SNX18: variants seen among roughly 807,000 people sequenced by gnomAD.
The protein encoded by SNX18 is sorting nexin-18.
In SNX18, 35 loss-of-function variants were observed where a neutral mutation model predicts 48.7. The ratio of observed to expected loss-of-function variants is 0.72; its 90% CI spans 0.55 to 0.95. SNX18 has a LOEUF of 0.95. SNX18 is among the 40% of genes least tolerant of loss of function. The probability of loss-of-function intolerance (pLI) is 0.00; values close to 1 mark genes in which losing one functional copy is unlikely to be tolerated. For synonymous variants in SNX18, 492 were observed against 384.7 expected (o/e 1.28, Z -3.26); for missense variants, 824 against 871.0 (o/e 0.95, Z 0.68).
In SNX18 at chr5:54,518,290, C is replaced by G; in HGVS notation, c.338C>G (p.Ala113Gly). 1 of 1,505,178 alleles carries G rather than the reference C, an allele frequency of 6.6e-7. No individual in the cohort carries two copies. The highest frequency in any genetic ancestry group is 8.8e-7 in the Non-Finnish European group (1 of 1,131,262). The allele number at this position is 1,505,178 out of a possible 1,614,324, so 93.2% of individuals were successfully genotyped here. Residue 113 changes from alanine to glycine, a missense_variant, in exon 1 of 2, where the codon GCG becomes GGG. Physicochemically the swap from Ala to Gly is moderately conservative, Grantham distance 60 (BLOSUM62 0). Coordinates refer to ENST00000381410, the MANE Select transcript of SNX18 (RefSeq NM_001102575.2). Reference sequence around the variant, plus strand: ...CAGGCGCTGCTGCAGCCACAGCAGGCGCCGCCTCCGAGCACCTTCCAGCCG... The same window carrying G: ...CAGGCGCTGCTGCAGCCACAGCAGGGGCCGCCTCCGAGCACCTTCCAGCCG... The part of the protein sequence containing the change: ...AFQALLQPQQ[A>G]PPPSTFQPPG...
At chr5:54,576,711 C>A in the SNX18 span, among the ~76,000 whole-genome samples, 1 of 152,220 alleles carries the variant, frequency 6.6e-6, no homozygotes, top group South Asian at 2.1e-4. Context: ...TTCCCAGCCT[C>A]CTGAAGAGGA....
At chr5:54,625,398 G>A in the SNX18 span, among the ~76,000 whole-genome samples, 2 of 152,162 alleles carry the variant, frequency 1.3e-5, no homozygotes, top group African/African-American at 4.8e-5. Context: ...TTCTAAGCTC[G>A]CTCGTATGGC....
the SNX18 span, among the ~76,000 whole-genome samples, chr5:54,565,781 T>C: frequency 6.6e-6 from 1 of 152,338 alleles, no homozygotes; most frequent in South Asian, 2.1e-4. Context: ...AAGCTGGGGA[T>C]GGATAGGGCG....
the SNX18 span, among the ~76,000 whole-genome samples, chr5:54,634,587 C>A: frequency 6.6e-6 from 1 of 151,820 alleles, no homozygotes; most frequent in Non-Finnish European, 1.5e-5. Flanking sequence ...ATGTGTGGCC[C>A]AGGACAATTC....
At chr5:54,592,537 G>A in the SNX18 span, among the ~76,000 whole-genome samples, 136,900 of 152,186 alleles carry the variant, frequency 0.9, 62,574 homozygotes, top group South Asian at 0.98. Context: ...GATGATGATC[G>A]TGAAGCTTAA....
At chr5:54,602,504 G>C in the SNX18 span, among the ~76,000 whole-genome samples, 6 of 152,284 alleles carry the variant, frequency 3.9e-5, no homozygotes, top group Middle Eastern at 3.4e-3. Context: ...GCAGAGATCC[G>C]AGTTACCTGA....
At chr5:54,632,078 C>T in the SNX18 span, among the ~76,000 whole-genome samples, 17 of 152,272 alleles carry the variant, frequency 1.1e-4, no homozygotes, top group Admixed American at 2.0e-4. Context: ...GTCTGATCTC[C>T]GAAAAGGTTG....
In SNX18 at chr5:54,519,593, G is replaced by A. The variant is rs530038256; in HGVS notation, c.1621+20G>A. On this transcript the variant is annotated intron_variant, in intron 1 of 1. Coordinates refer to ENST00000381410, the MANE Select transcript of SNX18 (RefSeq NM_001102575.2). ...AGAAAGGTAAAGCCTGGCCCTTAGA[G>A]CAGGTGATATGGAGTGTATTGTGCA... is the stretch of plus-strand genomic sequence containing the variant. 2.5e-6 allele frequency: 4 copies of A among 1,614,216 alleles called. No homozygotes were observed. In the South Asian group the frequency reaches 3.3e-5, roughly 13 times the overall value.
chr5:54,518,309 C>A lies in SNX18; in HGVS notation c.357C>A (p.Phe119Leu). 6.5e-7 allele frequency: 1 copy of A among 1,532,950 alleles called. No individual in the cohort carries two copies. Among genetic ancestry groups the A allele is most frequent in the Non-Finnish European group, 8.8e-7 (1 of 1,142,798 alleles). 95.0% of individuals were successfully genotyped at this position (1,532,950 alleles called of 1,614,324 possible). The change falls in exon 1 of 2, where the codon TTC becomes TTA. Residue 119 changes from phenylalanine to leucine, a missense_variant. Physicochemically the swap from Phe to Leu is conservative, Grantham distance 22. This residue lies in a region of SNX18 where 377 missense variants were observed against 350.6 expected (regional missense o/e 1.08). Transcript: ENST00000381410. Reference protein sequence around the residue: ...QPQQAPPPSTFQPPGAGFPYG... With the variant: ...QPQQAPPPSTLQPPGAGFPYG... ...AGCAGGCGCCGCCTCCGAGCACCTT[C>A]CAGCCGCCCGGCGCGGGCTTCCCGT...
Position 54,519,193 on chromosome 5 carries a change from C to T in SNX18, c.1241C>T (p.Pro414Leu), listed in dbSNP as rs775983988. Residue 414 changes from proline (P) to leucine (L), a missense_variant, in exon 1 of 2, where the codon CCC becomes CTC. Around this residue, in one of 3 missense-constraint regions of SNX18, gnomAD observed 443 missense variants for 503.6 expected, o/e 0.88. Coordinates refer to ENST00000381410, the MANE Select transcript of SNX18 (RefSeq NM_001102575.2). ...AACTTCTTCCTGACCCTTAGCACGC[C>T]CCCCGCCGCTGCCCTTGACCTGCAG... ...GANFFLTLST[P>L]PAAALDLQEV... 4.3e-6 allele frequency: 7 copies of T among 1,613,914 alleles called. No individual in the cohort carries two copies. The highest frequency in any genetic ancestry group is 1.1e-5 in the South Asian group (1 of 91,048).
chr5:54,532,707 A>G (rs1762271453), intron 1 of SNX18, among the ~76,000 whole-genome samples: 1 of 152,162 alleles, frequency 6.6e-6, no homozygotes, highest in South Asian at 2.1e-4. Context: ...TCACCCTAGT[A>G]ATTTTATCAC....
At chr5:54,593,654 A>G in the SNX18 span, among the ~76,000 whole-genome samples, 1 of 152,240 alleles carries the variant, frequency 6.6e-6, no homozygotes, top group African/African-American at 2.4e-5. Context: ...ACTTAAAGCT[A>G]CAGTAATCCA....
chr5:54,563,972 T>A, the SNX18 span, among the ~76,000 whole-genome samples: 1,644 of 152,292 alleles, frequency 0.011, 12 homozygotes, highest in Non-Finnish European at 0.018. Flanking sequence ...CATTTCCTTG[T>A]AAACATTTTG....
At chr5:54,590,381 T>A in the SNX18 span, among the ~76,000 whole-genome samples, 1 of 152,328 alleles carries the variant, frequency 6.6e-6, no homozygotes, top group Admixed American at 6.5e-5. Context: ...CTGAATCACT[T>A]CCCTAAGCCC....
chr5:54,567,397 G>A, the SNX18 span, among the ~76,000 whole-genome samples: 1 of 152,098 alleles, frequency 6.6e-6, no homozygotes, highest in South Asian at 2.1e-4. Flanking sequence ...CACAGGAAAG[G>A]CCAATCAGAA....
At chr5:54,540,318 T>C (rs892695042) in intron 1 of SNX18, among the ~76,000 whole-genome samples, 1 of 152,084 alleles carries the variant, frequency 6.6e-6, no homozygotes, top group Non-Finnish European at 1.5e-5. Flanking sequence ...TGGACTCAGA[T>C]GATCCTCCCT....
the SNX18 span, among the ~76,000 whole-genome samples, chr5:54,595,728 T>C: frequency 3.3e-5 from 5 of 152,134 alleles, no homozygotes; most frequent in Non-Finnish European, 5.9e-5. Flanking sequence ...TGTAACAAAT[T>C]GTCACAAACT....
chr5:54,518,372 C>G lies in SNX18; in HGVS notation c.420C>G (p.Leu140=), dbSNP rs775584592. 1.3e-6 allele frequency: 2 copies of G among 1,565,162 alleles called. No individual in the cohort carries two copies. The highest frequency in any genetic ancestry group is 1.4e-5 in the African/African-American group (1 of 73,136). Residue 140 remains leucine, a synonymous_variant, in exon 1 of 2, where the codon CTC becomes CTG. Transcript: ENST00000381410. ...GGALQPSPQQ[L]YGGYQASQGS... ...CCCTGCAGCCGTCGCCTCAGCAGCT[C>G]TACGGCGGCTACCAGGCCAGCCAAG...
At chr5:54,596,328 A>G in the SNX18 span, among the ~76,000 whole-genome samples, 6 of 152,082 alleles carry the variant, frequency 3.9e-5, no homozygotes, top group Non-Finnish European at 5.9e-5. Flanking sequence ...TCTCCCCACC[A>G]TCTCTACCAA....
Sources: gnomAD v4.1 joint callset for allele counts (sites outside exome capture counted in the v4.1 genomes callset) on GRCh38, gnomAD v4.1.1 for gene constraint, gnomAD v4.1.1 regional missense constraint, MANE v1.5 for transcripts, NCBI Gene and HGNC (gene_info 2026-07-23, HGNC 2026-07-21) for gene names.